Variants in GET4 observed in about 807,000 individuals in gnomAD.
The protein encoded by GET4 is guided entry of tail-anchored proteins factor 4, also known as Golgi to ER traffic protein 4 homolog.
GET4 carries 20 observed loss-of-function variants against 40.0 expected under a neutral mutation model. The ratio of observed to expected loss-of-function variants is 0.50; its 90% confidence interval spans 0.35 to 0.73. The LOEUF (loss-of-function observed/expected upper bound fraction) is 0.73. GET4 is among the 30% of genes least tolerant of loss of function. GET4 has a pLI of 0.01. For synonymous variants in GET4, 280 were observed against 194.6 expected (o/e 1.44, Z -3.65); for missense variants, 557 against 454.0 (o/e 1.23, Z -2.06).
At chr7:887,801 C>G (rs77329105) in intron 4 of GET4, among the ~76,000 whole-genome samples, 1 of 152,172 alleles carries the variant, frequency 6.6e-6, no homozygotes, top group African/African-American at 2.4e-5. Flanking sequence ...GGGGCCTATG[C>G]GTGCTGCTGC....
chr7:878,800 C>G (rs1305120406), intron 1 of GET4, among the ~76,000 whole-genome samples: 3 of 152,114 alleles, frequency 2.0e-5, no homozygotes, highest in African/African-American at 7.2e-5. Context: ...AGGCTGGTCT[C>G]GAACTCCTGA....
intron 8 of GET4, among the ~76,000 whole-genome samples, chr7:894,952 C>T (rs1426376090): frequency 3.3e-5 from 5 of 152,174 alleles, no homozygotes; most frequent in Non-Finnish European, 4.4e-5. Context: ...GTGTGCTCTA[C>T]AGCCCCACTT....
rs537881926 is a variant in GET4, at chr7:895,211, T to C, written c.896-123T>C. The C allele has an allele frequency of 5.8e-4, 337 of 579,584 alleles. 1 individual carries two copies. In the African/African-American group the frequency reaches 5.9e-3, roughly 10 times the overall value. 35.9% of individuals were successfully genotyped at this position (579,584 alleles called of 1,614,324 possible). A position where few individuals can be genotyped will look rare whatever the true frequency, so the allele number is the denominator to read the frequency against. On this transcript the variant is annotated intron_variant, in intron 8 of 8. Transcript: ENST00000265857. ...GTTCCTGGGTCGTAGACAGTAGCGA[T>C]GTGAGGCTTTTGCTTGTTCCATGGG...
chr7:885,877 G>A, intron 1 of GET4, 179 bp from the exon 2 acceptor site: 1 of 602,426 alleles, frequency 1.7e-6, no homozygotes, highest in South Asian at 1.9e-5. Context: ...CAGCCCTCAT[G>A]GTCAGCAGGA....
intron 6 of GET4, among the ~76,000 whole-genome samples, chr7:892,836 C>T (rs898332171): frequency 9.6e-5 from 14 of 145,448 alleles, no homozygotes; most frequent in African/African-American, 2.8e-4. Flanking sequence ...GCAGGTGTTG[C>T]GTGTCTGGTG....
intron 1 of GET4, chr7:883,249 G>A (rs1282271511): frequency 6.6e-6 from 1 of 152,514 alleles, no homozygotes; most frequent in Admixed American, 6.5e-5. Flanking sequence ...CGGCGGAGGG[G>A]TCCTTGTGAA....
At chr7:884,149 A>T (rs1276754251) in intron 1 of GET4, 2 of 1,278,876 alleles carry the variant, frequency 1.6e-6, no homozygotes, top group East Asian at 1.1e-4. Flanking sequence ...AGCATCCAGA[A>T]CGCTGTAGTA....
At chr7:892,985 GTGT>G (rs1017559944) in intron 6 of GET4, among the ~76,000 whole-genome samples, 18 of 151,346 alleles carry the variant, frequency 1.2e-4, no homozygotes, top group African/African-American at 4.4e-4. Flanking sequence ...TTGCAGGTAA[GTGT>G]TGGGGGCGGG....
In GET4 at chr7:876,650, C is replaced by T. The variant is rs1843944911; in HGVS notation, c.5C>T (p.Ala2Val). 2.4e-6 allele frequency: 3 copies of T among 1,261,542 alleles called. No individual in the cohort carries two copies. The highest frequency in any genetic ancestry group is 3.2e-5 in the African/African-American group (2 of 62,416). 78.1% of individuals were successfully genotyped at this position (1,261,542 alleles called of 1,614,324 possible). ...CCTGCGCGGAGCGCCGGCCCGATGGCGGCGGCGGCGGCGATGGCCGAGCAG... is the reference window on the plus strand; with the variant it reads ...CCTGCGCGGAGCGCCGGCCCGATGGTGGCGGCGGCGGCGATGGCCGAGCAG... MAAAAAMAEQES... is the reference protein window; with the variant it reads MVAAAAMAEQES... The change falls in exon 1 of 9, where the codon GCG becomes GTG. Residue 2 changes from alanine to valine, a missense_variant. Physicochemically the swap from Ala to Val is moderately conservative, Grantham distance 64. Transcript: ENST00000265857.
chr7:889,597 C>T (rs1042903074), intron 4 of GET4, among the ~76,000 whole-genome samples: 8 of 152,154 alleles, frequency 5.3e-5, no homozygotes, highest in Admixed American at 2.6e-4. Flanking sequence ...CTGAGATCTG[C>T]ACCACGAGAA....
intron 4 of GET4, 152 bp from the exon 5 acceptor site, chr7:890,776 G>A (rs1844302465): frequency 1.6e-6 from 1 of 634,456 alleles, no homozygotes; most frequent in African/African-American, 1.8e-5. Context: ...CTGGCTCTGA[G>A]TCCCTATCAG....
At chr7:894,570 C>T (rs377424134) in intron 8 of GET4, among the ~76,000 whole-genome samples, 4 of 152,150 alleles carry the variant, frequency 2.6e-5, no homozygotes, top group African/African-American at 9.7e-5. Flanking sequence ...GACACCCTGG[C>T]CCTCACCGTG....
chr7:877,608 C>A, intron 1 of GET4, among the ~76,000 whole-genome samples: 1 of 139,016 alleles, frequency 7.2e-6, no homozygotes, highest in Non-Finnish European at 1.6e-5. Context: ...TCCCCTGGAC[C>A]TCCCCCACCT....
rs374913699 is a variant in GET4 at position 895,454 on chromosome 7, G to A, written c.*32G>A. ...CAGGCCACGTGGAGACACCACGGTCGACGACGGCTGGAGGGACGTTTCAGA... is the reference window on the plus strand; with the variant it reads ...CAGGCCACGTGGAGACACCACGGTCAACGACGGCTGGAGGGACGTTTCAGA... On this transcript the variant is annotated 3_prime_UTR_variant, in exon 9 of 9. Coordinates refer to ENST00000265857, the MANE Select transcript of GET4 (RefSeq NM_015949.3). The A allele has an allele frequency of 3.8e-5, 44 of 1,172,818 alleles. No homozygotes were observed. Among genetic ancestry groups the A allele is most frequent in the East Asian group, 7.3e-5 (3 of 41,174 alleles). 72.7% of individuals were successfully genotyped at this position (1,172,818 alleles called of 1,614,324 possible).
intron 1 of GET4, 98 bp from the exon 2 acceptor site, chr7:885,958 C>A: frequency 2.6e-6 from 2 of 778,520 alleles, no homozygotes; most frequent in Admixed American, 1.8e-5. Context: ...GCCACCTGTT[C>A]CTGGGCGCCT....
At chr7:894,823 G>T (rs989449056) in intron 8 of GET4, among the ~76,000 whole-genome samples, 1 of 152,206 alleles carries the variant, frequency 6.6e-6, no homozygotes, top group African/African-American at 2.4e-5. Context: ...GGCTTTGTAC[G>T]TACAGAGTAG....
intron 1 of GET4, chr7:878,377 A>G (rs1246576995): frequency 6.4e-6 from 3 of 471,038 alleles, no homozygotes; most frequent in Non-Finnish European, 4.4e-6. Context: ...CTTATGGTTC[A>G]GGTCAGGGAA....
intron 1 of GET4, chr7:878,168 C>G (rs537233913): frequency 2.3e-6 from 1 of 432,888 alleles, no homozygotes; most frequent in Non-Finnish European, 4.9e-6. Flanking sequence ...GGAGGGCGAG[C>G]GCGAGCAGAG....
At chr7:893,871 C>CT in intron 7 of GET4, 28 bp from the exon 8 acceptor site, 1 of 1,611,682 alleles carries the variant, frequency 6.2e-7, no homozygotes, top group Non-Finnish European at 8.5e-7. Context: ...GGTCCACCCC[C>CT]TCTGAGCCCG....
Sources: allele counts gnomAD v4.1 joint callset (sites outside exome capture counted in the v4.1 genomes callset), GRCh38; gene constraint gnomAD v4.1.1; transcripts MANE v1.5; gene names NCBI Gene and HGNC (gene_info 2026-07-23, HGNC 2026-07-21).